The following ADGRL3 variants were observed in gnomAD, a reference collection of about 807,000 sequenced individuals.
ADGRL3 encodes adhesion G protein-coupled receptor L3, also known as calcium-independent alpha-latrotoxin receptor 3.
ADGRL3 carries 62 observed loss-of-function variants against 153.5 expected under a neutral mutation model. That is an observed-to-expected ratio of 0.40 (90% CI 0.33 to 0.50). The LOEUF (loss-of-function observed/expected upper bound fraction) is 0.50. Ranked by LOEUF, ADGRL3 falls within the 20% of genes least tolerant of loss-of-function variation. The pLI is 0.47. For synonymous variants in ADGRL3, 710 were observed against 672.5 expected (o/e 1.06, Z -0.86); for missense variants, 1,641 against 1,859.4 (o/e 0.88, Z 2.16).
chr4:61,439,053 AC>A (rs1377586848), intron 2 of ADGRL3, among the ~76,000 whole-genome samples: 1 of 152,094 alleles, frequency 6.6e-6, no homozygotes, highest in Non-Finnish European at 1.5e-5. Context: ...GGAAACAGAA[AC>A]CCAGAAAAAA....
chr4:61,553,002 T>C (rs1296181391), intron 4 of ADGRL3, among the ~76,000 whole-genome samples: 2 of 152,150 alleles, frequency 1.3e-5, no homozygotes, highest in Non-Finnish European at 2.9e-5. Flanking sequence ...AATCTCCACC[T>C]AGTAGTCAGG....
chr4:61,316,055 A>G (rs1056274262), intron 1 of ADGRL3, among the ~76,000 whole-genome samples: 1 of 152,218 alleles, frequency 6.6e-6, no homozygotes, highest in African/African-American at 2.4e-5. Context: ...AGATTATGAA[A>G]AAAAGTATAA....
chr4:61,725,616 A>C (rs1474611456), intron 6 of ADGRL3, among the ~76,000 whole-genome samples: 1 of 151,388 alleles, frequency 6.6e-6, no homozygotes, highest in African/African-American at 2.4e-5. Context: ...ACCAAAAAAA[A>C]ACAAAAAAAA....
chr4:61,964,242 T>C (rs2098998291), intron 17 of ADGRL3, among the ~76,000 whole-genome samples: 1 of 152,192 alleles, frequency 6.6e-6, no homozygotes, highest in African/African-American at 2.4e-5. Context: ...AGTTTGTCAA[T>C]TATTTTAGGG....
intron 1 of ADGRL3, among the ~76,000 whole-genome samples, chr4:61,309,936 AACTC>A (rs1462355598): frequency 1.3e-5 from 2 of 152,074 alleles, no homozygotes; most frequent in South Asian, 2.1e-4. Context: ...ATGTATAAGG[AACTC>A]ACTCACTCAT....
chr4:61,519,883 T>G (rs2098519647), intron 4 of ADGRL3, among the ~76,000 whole-genome samples: 1 of 152,348 alleles, frequency 6.6e-6, no homozygotes, highest in East Asian at 1.9e-4. Flanking sequence ...AGGCTGATAT[T>G]AATGCAATCT....
At chr4:61,578,277 T>C (rs567995885) in intron 4 of ADGRL3, among the ~76,000 whole-genome samples, 1 of 152,202 alleles carries the variant, frequency 6.6e-6, no homozygotes, top group South Asian at 2.1e-4. Context: ...CACGGTTTGG[T>C]AAATGGGGAT....
chr4:61,904,677 GAA>G (rs11305765), intron 11 of ADGRL3, among the ~76,000 whole-genome samples: 35 of 149,184 alleles, frequency 2.3e-4, no homozygotes, highest in African/African-American at 4.7e-4. Flanking sequence ...TAACTACACA[GAA>G]AAAAAAAAAG....
chr4:61,981,757 A>C (rs1282673806), intron 18 of ADGRL3, among the ~76,000 whole-genome samples: 1 of 152,190 alleles, frequency 6.6e-6, no homozygotes, highest in Non-Finnish European at 1.5e-5. Context: ...AAGGCTTTTG[A>C]GCATAATAAA....
chr4:61,490,420 G>C (rs971678518), intron 2 of ADGRL3, among the ~76,000 whole-genome samples: 1 of 151,492 alleles, frequency 6.6e-6, no homozygotes, highest in Non-Finnish European at 1.5e-5. Flanking sequence ...ATTATGCCTT[G>C]TATATCTTAC....
At chr4:61,529,168 C>T (rs2098596659) in intron 4 of ADGRL3, among the ~76,000 whole-genome samples, 1 of 152,106 alleles carries the variant, frequency 6.6e-6, no homozygotes, top group South Asian at 2.1e-4. Context: ...TATTGATGTT[C>T]AGCAGAACTG....
intron 20 of ADGRL3, among the ~76,000 whole-genome samples, chr4:61,997,850 TAA>T (rs2099127077): frequency 1.3e-5 from 2 of 152,176 alleles, no homozygotes; most frequent in South Asian, 4.1e-4. Context: ...GTAACACACC[TAA>T]AAAAGTATTG....
intron 9 of ADGRL3, among the ~76,000 whole-genome samples, chr4:61,888,786 A>G (rs1347208933): frequency 1.3e-5 from 2 of 152,196 alleles, no homozygotes; most frequent in South Asian, 2.1e-4. Context: ...TTTCATAACA[A>G]ATTGAAGTTT....
intron 9 of ADGRL3, among the ~76,000 whole-genome samples, chr4:61,880,258 T>C (rs923457493): frequency 2.6e-5 from 4 of 152,214 alleles, no homozygotes; most frequent in African/African-American, 9.6e-5. Context: ...AGGTGATTCC[T>C]GTTCTTTCTT....
chr4:61,318,158 C>T (rs1181229652), intron 1 of ADGRL3, among the ~76,000 whole-genome samples: 3 of 136,846 alleles, frequency 2.2e-5, no homozygotes, highest in Non-Finnish European at 3.1e-5. Context: ...TGCACCACTG[C>T]ACTCTAGCCT....
intron 5 of ADGRL3, among the ~76,000 whole-genome samples, chr4:61,603,099 T>C (rs566468257): frequency 1.6e-4 from 25 of 152,298 alleles, no homozygotes; most frequent in African/African-American, 5.5e-4. Context: ...CTTGTGAATA[T>C]TGTCTCACGG....
chr4:61,954,766 C>T (rs989857253), intron 17 of ADGRL3, among the ~76,000 whole-genome samples: 1 of 152,170 alleles, frequency 6.6e-6, no homozygotes, highest in African/African-American at 2.4e-5. Flanking sequence ...GATTTCTCAT[C>T]TCTTTCAAGT....
At chr4:61,867,219 G>C (rs1160772640) in intron 9 of ADGRL3, among the ~76,000 whole-genome samples, 2 of 151,792 alleles carry the variant, frequency 1.3e-5, no homozygotes, top group Non-Finnish European at 2.9e-5. Context: ...TGTAGGAGAG[G>C]CAGGCACAGT....
intron 9 of ADGRL3, among the ~76,000 whole-genome samples, chr4:61,858,643 A>G (rs552583729): frequency 6.6e-6 from 1 of 152,214 alleles, no homozygotes; most frequent in East Asian, 1.9e-4. Flanking sequence ...CAAAAACTTT[A>G]TGAATATTAA....
Sources: gnomAD v4.1 joint callset for allele counts (sites outside exome capture counted in the v4.1 genomes callset) on GRCh38, gnomAD v4.1.1 for gene constraint, MANE v1.5 for transcripts, NCBI Gene and HGNC (gene_info 2026-07-23, HGNC 2026-07-21) for gene names.